Variants in NRAP observed in about 807,000 individuals in gnomAD.
NRAP encodes nebulin-related-anchoring protein.
A neutral mutation model predicts 225.9 loss-of-function variants in NRAP; 189 were observed. The ratio of observed to expected loss-of-function variants is 0.84; its 90% CI spans 0.74 to 0.94. NRAP has a LOEUF of 0.94. Ranked by LOEUF, NRAP falls within the 40% of genes least tolerant of loss-of-function variation. The pLI, the probability that NRAP is intolerant of heterozygous loss-of-function variation, is 0.00. For synonymous variants in NRAP, 769 were observed against 790.7 expected (o/e 0.97, Z 0.46); for missense variants, 2,176 against 2,168.7 (o/e 1.00, Z -0.07).
Position 113,632,990 on chromosome 10 carries a change from G to A in NRAP, c.1632+94C>T, listed in dbSNP as rs1364626508. 3 of 752,734 alleles carry A rather than the reference G, an allele frequency of 4.0e-6. No individual in the cohort carries two copies. The East Asian group carries it at 7.6e-5, about 19-fold the overall frequency. The allele number at this position is 752,734 out of a possible 1,614,324, so 46.6% of individuals were successfully genotyped here. A position where few individuals can be genotyped will look rare whatever the true frequency, so the allele number is the denominator to read the frequency against. On this transcript the variant is annotated intron_variant, in intron 16 of 41. Transcript: ENST00000359988. ...ATGCCTCTGATGAGCCTTTCTCAGG[G>A]ACAGACACTTCCCACTTGCTGGACC...
intron 3 of NRAP, among the ~76,000 whole-genome samples, chr10:113,660,581 T>C (rs1371252198): frequency 3.3e-5 from 5 of 152,144 alleles, no homozygotes; most frequent in Middle Eastern, 3.2e-3. Context: ...GAAAATAGTG[T>C]GTGACCTGTT....
intron 41 of NRAP, 60 bp downstream of exon 41, chr10:113,589,606 T>G: frequency 3.2e-6 from 5 of 1,552,764 alleles, no homozygotes; most frequent in Non-Finnish European, 4.3e-6. Context: ...AAAGAAACAA[T>G]GAGTTTGTCT....
At chr10:113,614,115 A>C in intron 29 of NRAP, 68 bp downstream of exon 29, 1 of 959,812 alleles carries the variant, frequency 1.0e-6, no homozygotes, top group Admixed American at 1.7e-5. Context: ...AAATGAGGTT[A>C]GGTTGCCATG....
At chr10:113,620,837 T>C (rs1386326971) in intron 24 of NRAP, 129 bp from the exon 25 acceptor site, 1 of 671,946 alleles carries the variant, frequency 1.5e-6, no homozygotes, top group Non-Finnish European at 2.6e-6. Flanking sequence ...TTTTGTCTTA[T>C]GCATTTCTGC....
intron 18 of NRAP, 41 bp from the exon 19 acceptor site, chr10:113,629,826 C>T (rs753722405): frequency 7.3e-7 from 1 of 1,377,986 alleles, no homozygotes; most frequent in Admixed American, 1.7e-5. Flanking sequence ...TTAGTTGAAG[C>T]CCACCCTTTG....
chr10:113,595,544 T>C, intron 38 of NRAP, 79 bp downstream of exon 38: 1 of 877,104 alleles, frequency 1.1e-6, no homozygotes, highest in Non-Finnish European at 1.9e-6. Flanking sequence ...CTTTTTTTTT[T>C]AAAAAAACGA....
At chr10:113,645,740 T>C in intron 11 of NRAP, 85 bp downstream of exon 11, 1 of 726,420 alleles carries the variant, frequency 1.4e-6, no homozygotes, top group Non-Finnish European at 2.3e-6. Context: ...TAACCAGAGC[T>C]TTTTATTATA....
chr10:113,640,994 A>G, intron 13 of NRAP, among the ~76,000 whole-genome samples: 1 of 152,214 alleles, frequency 6.6e-6, no homozygotes, highest in East Asian at 1.9e-4. Flanking sequence ...CTTACCAACC[A>G]ACCAACTCTC....
Position 113,595,671 on chromosome 10 carries a change from G to A in NRAP, c.4488C>T (p.Asp1496=). 2 of 1,614,058 alleles carry A rather than the reference G, an allele frequency of 1.2e-6. No homozygotes were observed. The highest frequency in any genetic ancestry group is 1.7e-6 in the Non-Finnish European group (2 of 1,179,888). The change falls in exon 38 of 42, where the codon GAC becomes GAT. Residue 1496 remains aspartate (D), a synonymous_variant. Transcript: ENST00000359988. ...ESLHRYTLIP[D]HPDFTRARLN... is the part of the protein sequence containing the mutation. ...GGCGAGCTCGGGTGAAATCGGGATG[G>A]TCGGGGATCAGGGTGTATCTGTGCA...
At chr10:113,628,675 T>C (rs1339864799) in intron 20 of NRAP, among the ~76,000 whole-genome samples, 1 of 152,192 alleles carries the variant, frequency 6.6e-6, no homozygotes, top group African/African-American at 2.4e-5. Context: ...ACCAAATTAT[T>C]CTTTGGATGT....
At chr10:113,649,450 C>A (rs959011557) in intron 9 of NRAP, among the ~76,000 whole-genome samples, 8 of 152,212 alleles carry the variant, frequency 5.3e-5, no homozygotes, top group Non-Finnish European at 1.2e-4. Flanking sequence ...CAACACCTGG[C>A]TAGTACCAGA....
At chr10:113,622,240 C>T (rs1848041147) in intron 23 of NRAP, 60 bp from the exon 24 acceptor site, 4 of 1,150,196 alleles carry the variant, frequency 3.5e-6, no homozygotes, top group Middle Eastern at 2.0e-4. Flanking sequence ...TGTTAGGCTT[C>T]AGACTCCATG....
chr10:113,626,020 G>A (rs749865509), intron 21 of NRAP, 27 bp downstream of exon 21: 3 of 1,531,438 alleles, frequency 2.0e-6, no homozygotes, highest in African/African-American at 2.7e-5. Flanking sequence ...CAGCAGCTTG[G>A]TGGAGAAAGG....
chr10:113,630,237 C>G (rs1409062278), intron 18 of NRAP, among the ~76,000 whole-genome samples: 1 of 152,160 alleles, frequency 6.6e-6, no homozygotes, highest in African/African-American at 2.4e-5. Context: ...TGAATAATAG[C>G]TGAAACATGC....
At position 113,591,982 on chromosome 10, in the gene NRAP, G is replaced by T. The variant is rs576682957; in HGVS notation, c.4644+212C>A. Among the ~76,000 whole-genome samples the T allele has an allele frequency of 3.3e-5, 5 of 152,228 alleles. No individual in the cohort carries two copies. The South Asian group carries it at 8.3e-4, about 25-fold the overall frequency. ...AGAGTGCCTCTCTAAAAAGAGAATG[G>T]AAATACAGCCCTCCTTGACCACAAT... On this transcript the variant is annotated intron_variant, in intron 39 of 41. Coordinates refer to ENST00000359988, the MANE Select transcript of NRAP (RefSeq NM_198060.4).
intron 3 of NRAP, among the ~76,000 whole-genome samples, chr10:113,660,813 C>T (rs1406877211): frequency 6.6e-6 from 1 of 152,096 alleles, no homozygotes; most frequent in Non-Finnish European, 1.5e-5. Context: ...GAGTTTGCCA[C>T]CCTCTGGATA....
intron 38 of NRAP, 128 bp downstream of exon 38, chr10:113,595,495 G>T: frequency 1.6e-6 from 1 of 627,620 alleles, no homozygotes; most frequent in South Asian, 2.0e-5. Flanking sequence ...CAGTTTCTCA[G>T]TTCAGTGTCC....
chr10:113,625,966 G>T, intron 21 of NRAP, 81 bp downstream of exon 21: 1 of 880,892 alleles, frequency 1.1e-6, no homozygotes, highest in Non-Finnish European at 1.7e-6. Flanking sequence ...TTGTGCCTGG[G>T]CGGCACCTGC....
chr10:113,589,845 G>A, intron 40 of NRAP, 48 bp from the exon 41 acceptor site: 1 of 1,600,002 alleles, frequency 6.2e-7, no homozygotes, highest in Non-Finnish European at 8.5e-7. Context: ...AGGGTTTGGA[G>A]CGGTTTGACC....
Sources: gnomAD v4.1 joint callset for allele counts (sites outside exome capture counted in the v4.1 genomes callset) on GRCh38, gnomAD v4.1.1 for gene constraint, MANE v1.5 for transcripts, NCBI Gene and HGNC (gene_info 2026-07-23, HGNC 2026-07-21) for gene names.